ALG1L2: variants seen among roughly 807,000 people sequenced by gnomAD.
ALG1L2 encodes ALG1 chitobiosyldiphosphodolichol beta-mannosyltransferase like 2, also known as putative glycosyltransferase ALG1L2.
A neutral mutation model predicts 29.0 loss-of-function variants in ALG1L2; 32 were observed. The ratio of observed to expected loss-of-function variants is 1.10; its 90% CI spans 0.83 to 1.48. ALG1L2 has a LOEUF of 1.48. Among genes scored for constraint, ALG1L2 ranks in the 40% most tolerant of loss-of-function variants. The probability of loss-of-function intolerance (pLI) is 0.00; values close to 1 mark genes in which losing one functional copy is unlikely to be tolerated. For missense variants in ALG1L2, 318 were observed against 274.1 expected (o/e 1.16, Z -1.13); for synonymous variants, 110 against 109.5 (o/e 1.00, Z -0.03).
chr3:130,097,195 A>G lies in ALG1L2; in HGVS notation c.560A>G (p.His187Arg), dbSNP rs762437401. 6.2e-7 allele frequency: 1 copy of G among 1,611,960 alleles called. No individual in the cohort carries two copies. Among genetic ancestry groups the G allele is most frequent in the Non-Finnish European group, 8.5e-7 (1 of 1,179,866 alleles). Residue 187 changes from histidine to arginine, a missense_variant, in exon 7 of 8, where the codon CAT (histidine) becomes CGT (arginine). Coordinates refer to ENST00000425059, the MANE Select transcript of ALG1L2 (RefSeq NM_001136152.1). ...NFKCLHELVK[H>R]EENRLVFEDS... ...TGCAGTTTACATGAGCTGGTGAAAC[A>G]TGAAGAAAACCGCCTGGTCTTTGAG...
chr3:130,086,840 ACT>A (rs1200519737), intron 1 of ALG1L2, among the ~76,000 whole-genome samples: 2 of 150,910 alleles, frequency 1.3e-5, no homozygotes, highest in Admixed American at 6.6e-5. Flanking sequence ...AAGTGGGCAG[ACT>A]CTGACTCTCC....
rs1283533602 is a variant in ALG1L2, at chr3:130,087,140, C to T, written c.21-4121C>T. ...TGCAATATAATGAAATGAACCTGCT[C>T]CCACCTTCACTGAACGATCAACATT... On this transcript the variant is annotated intron_variant, in intron 1 of 7. Coordinates refer to ENST00000425059, the MANE Select transcript of ALG1L2 (RefSeq NM_001136152.1). Among the ~76,000 whole-genome samples the T allele has an allele frequency of 3.2e-4, 48 of 148,908 alleles. 1 individual carries two copies. In the South Asian group the frequency reaches 9.7e-3, roughly 30 times the overall value.
rs539583905 is a variant in ALG1L2, at chr3:130,098,011, C to A, written c.616-212C>A. Among the ~76,000 whole-genome samples the A allele has an allele frequency of 2.0e-5, 3 of 152,236 alleles. No individual in the cohort carries two copies. The South Asian group carries it at 6.2e-4, about 32-fold the overall frequency. On this transcript the variant is annotated intron_variant, in intron 7 of 7. Coordinates refer to ENST00000425059, the MANE Select transcript of ALG1L2 (RefSeq NM_001136152.1). ...GTAGAGGCCGGAAGGTGCTCCAGGG[C>A]ACCAAGTGTGGGAAAGTGGGACATA...
chr3:130,092,360 G>T, intron 3 of ALG1L2, 138 bp downstream of exon 3: 5 of 1,599,920 alleles, frequency 3.1e-6, no homozygotes, highest in Non-Finnish European at 3.4e-6. Flanking sequence ...TGAGCTGGAA[G>T]AGTGGTGTCT....
intron 2 of ALG1L2, 150 bp from the exon 3 acceptor site, chr3:130,091,951 C>T (rs1277861607): frequency 1.0e-5 from 13 of 1,284,560 alleles, no homozygotes; most frequent in Middle Eastern, 2.7e-4. Flanking sequence ...CAAGCCCAGG[C>T]CTCGATTGGC....
rs750050490 is a variant in ALG1L2, at chr3:130,097,263, GCCA to G, written c.615+18_615+20del. 36 of 1,605,376 alleles carry G rather than the reference GCCA, an allele frequency of 2.2e-5. No homozygotes were observed. Among genetic ancestry groups the G allele is most frequent in the Non-Finnish European group, 3.1e-5 (36 of 1,179,688 alleles). ...AGCTCAGCTGCAGGTAGCCATGTCT[GCCA>G]CCACGCCAGGGTGGACAGGGTTCTG... On this transcript the variant is annotated intron_variant, in intron 7 of 7. Coordinates refer to ENST00000425059, the MANE Select transcript of ALG1L2 (RefSeq NM_001136152.1).
intron 4 of ALG1L2, chr3:130,094,017 C>A: frequency 3.6e-6 from 1 of 274,450 alleles, no homozygotes; most frequent in South Asian, 3.6e-5. Context: ...AGGGCAGGGG[C>A]GGCTTGGAAC....
intron 1 of ALG1L2, among the ~76,000 whole-genome samples, chr3:130,086,382 C>T (rs1934891216): frequency 6.8e-6 from 1 of 147,220 alleles, no homozygotes; most frequent in Admixed American, 6.9e-5. Context: ...AGAGAAAAGA[C>T]AGAGGTGGGC....
At chr3:130,094,173 A>G in intron 4 of ALG1L2, 1 of 565,042 alleles carries the variant, frequency 1.8e-6, no homozygotes, top group South Asian at 2.0e-5. Context: ...GCCCGAGGCC[A>G]GCTGGTTGCA....
chr3:130,087,253 C>T (rs1411639231), intron 1 of ALG1L2, among the ~76,000 whole-genome samples: 23 of 150,746 alleles, frequency 1.5e-4, no homozygotes, highest in Admixed American at 4.7e-4. Flanking sequence ...ATAGTCCCAC[C>T]CCAAATGCAT....
At chr3:130,082,971 C>T (rs1158668413) in intron 1 of ALG1L2, among the ~76,000 whole-genome samples, 2 of 134,066 alleles carry the variant, frequency 1.5e-5, no homozygotes, top group Non-Finnish European at 3.5e-5. Flanking sequence ...GAACCCTCTC[C>T]CAGCCTTTTC....
chr3:130,088,922 T>G lies in ALG1L2; in HGVS notation c.21-2339T>G, dbSNP rs1208609933. Among the ~76,000 whole-genome samples the G allele has an allele frequency of 2.0e-5, 3 of 152,414 alleles. No homozygotes were observed. In the East Asian group the frequency reaches 5.8e-4, roughly 29 times the overall value. ...CTTTATTAGCAGAGTGAGAATGGAC[T>G]AATACAGTAACCCTTACATCCCCAG... On this transcript the variant is annotated intron_variant, in intron 1 of 7. Transcript: ENST00000425059.
chr3:130,084,958 T>C (rs1295416649), intron 1 of ALG1L2, among the ~76,000 whole-genome samples: 2 of 124,796 alleles, frequency 1.6e-5, no homozygotes, highest in Admixed American at 1.7e-4. Flanking sequence ...TTTTATTTAT[T>C]TATTTATTTA....
chr3:130,097,352 C>A (rs1435927328), intron 7 of ALG1L2, 102 bp downstream of exon 7: 4 of 1,492,662 alleles, frequency 2.7e-6, no homozygotes, highest in Non-Finnish European at 8.9e-7. Context: ...TGGGACCATG[C>A]GGGGTCTGGC....
chr3:130,084,948 T>TTTTATTTATTA (rs1934860036), intron 1 of ALG1L2, among the ~76,000 whole-genome samples: 1 of 61,228 alleles, frequency 1.6e-5, no homozygotes, highest in Non-Finnish European at 4.1e-5. Flanking sequence ...ATATATATAA[T>TTTTATTTATTA]TTTATTTATT....
chr3:130,094,734 C>T (rs1935093846), intron 5 of ALG1L2, among the ~76,000 whole-genome samples: 2 of 152,202 alleles, frequency 1.3e-5, no homozygotes, highest in Admixed American at 6.5e-5. Context: ...GAGGAAGCCA[C>T]GTCCTTTCAG....
In ALG1L2 at chr3:130,092,260, A is replaced by G; in HGVS notation, c.253+38A>G. 1.9e-6 allele frequency: 3 copies of G among 1,597,402 alleles called. No homozygotes were observed. In the South Asian group the frequency reaches 3.4e-5, roughly 18 times the overall value. Reference sequence around the variant, plus strand: ...ACTGGGGCACTTGGGGTTGGTGTGAAGGGCACCTGGCCAACCTGTATTCTC... The same window carrying G: ...ACTGGGGCACTTGGGGTTGGTGTGAGGGGCACCTGGCCAACCTGTATTCTC... On this transcript the variant is annotated intron_variant, in intron 3 of 7. Transcript: ENST00000425059.
chr3:130,088,709 T>C (rs1274147079), intron 1 of ALG1L2, among the ~76,000 whole-genome samples: 2 of 152,370 alleles, frequency 1.3e-5, no homozygotes, highest in Middle Eastern at 3.4e-3. Flanking sequence ...TGAGTCACTG[T>C]TCCCTGCCTG....
chr3:130,095,068 T>G (rs779604466), intron 5 of ALG1L2, among the ~76,000 whole-genome samples: 3 of 152,220 alleles, frequency 2.0e-5, no homozygotes, highest in Non-Finnish European at 4.4e-5. Flanking sequence ...ACAGTCTTGC[T>G]CCGTTGCCTA....
Sources: allele counts gnomAD v4.1 joint callset (sites outside exome capture counted in the v4.1 genomes callset), GRCh38; gene constraint gnomAD v4.1.1; transcripts MANE v1.5; gene names NCBI Gene and HGNC (gene_info 2026-07-23, HGNC 2026-07-21).